Variants in XKR6 observed in about 807,000 individuals in gnomAD.
The protein encoded by XKR6 is XK-related protein 6.
A neutral mutation model predicts 56.7 loss-of-function variants in XKR6; 22 were observed. The ratio of observed to expected loss-of-function variants is 0.39; its 90% CI spans 0.28 to 0.55. XKR6 has a LOEUF of 0.55. XKR6 is among the 20% of genes least tolerant of loss of function. The probability of loss-of-function intolerance (pLI) is 0.66; values close to 1 mark genes in which losing one functional copy is unlikely to be tolerated. For synonymous variants in XKR6, 524 were observed against 387.8 expected, an observed-to-expected ratio of 1.35 and a Z score of -4.13; for missense variants, 852 against 889.0, an observed-to-expected ratio of 0.96 and a Z score of 0.53.
chr8:10,977,197 G>A (rs926060649), intron 1 of XKR6, among the ~76,000 whole-genome samples: 1 of 152,118 alleles, frequency 6.6e-6, no homozygotes, highest in African/African-American at 2.4e-5. Context: ...GGTTGTCCAG[G>A]CCAGCACCCT....
chr8:11,061,729 G>C (rs1431606320), intron 1 of XKR6, among the ~76,000 whole-genome samples: 1 of 152,166 alleles, frequency 6.6e-6, no homozygotes, highest in Non-Finnish European at 1.5e-5. Flanking sequence ...TCCAGGAGCA[G>C]AAGCCCAGGA....
At chr8:11,032,581 G>A (rs1799018003) in intron 1 of XKR6, among the ~76,000 whole-genome samples, 1 of 152,218 alleles carries the variant, frequency 6.6e-6, no homozygotes, top group Admixed American at 6.5e-5. Context: ...GCACAAGGCA[G>A]GGCTGTAATA....
chr8:10,979,178 T>C (rs928568044), intron 1 of XKR6, among the ~76,000 whole-genome samples: 2 of 151,792 alleles, frequency 1.3e-5, no homozygotes, highest in Admixed American at 6.6e-5. Context: ...CACATCCTAC[T>C]CTGCCCCTCC....
chr8:11,107,248 G>T (rs1330555588), intron 1 of XKR6, among the ~76,000 whole-genome samples: 1 of 151,024 alleles, frequency 6.6e-6, no homozygotes, highest in South Asian at 2.1e-4. Flanking sequence ...CGCCTGGGAT[G>T]AAGTGCAGTG....
intron 1 of XKR6, among the ~76,000 whole-genome samples, chr8:10,988,657 C>T (rs1391614575): frequency 6.6e-6 from 1 of 152,210 alleles, no homozygotes; most frequent in African/African-American, 2.4e-5. Context: ...CTGTCTGGGA[C>T]ATGTCACCTG....
At position 11,200,648 on chromosome 8, in the gene XKR6, T is replaced by C. The variant is rs1391915122; in HGVS notation, c.692A>G (p.Gln231Arg). The C allele has an allele frequency of 6.4e-7, 1 of 1,551,678 alleles. No individual in the cohort carries two copies. The highest frequency in any genetic ancestry group is 1.2e-5 in the South Asian group (1 of 81,874). The stretch of plus-strand genomic sequence containing the variant: ...CCACACGGAGAGGCGACACAGGCGC[T>C]GCGCCCCCGGCGTGGGGGAGACCCT... ...GVRVSPTPGA[Q>R]RLCRLSVWIW... Residue 231 changes from glutamine (Q) to arginine (R), a missense_variant, in exon 1 of 3, where the codon CAG (glutamine) becomes CGG (arginine). Around this residue, in one of 4 missense-constraint regions of XKR6, gnomAD observed 417 missense variants for 355.2 expected, o/e 1.17. Transcript: ENST00000416569. The surrounding 1 kb of genome is among the most constrained non-coding windows in gnomAD (Gnocchi z 6.4).
chr8:11,187,756 G>C (rs921178678), intron 1 of XKR6, among the ~76,000 whole-genome samples: 2 of 152,134 alleles, frequency 1.3e-5, no homozygotes, highest in African/African-American at 4.8e-5. Flanking sequence ...GATGGTGTGG[G>C]GGCACATGAA....
At chr8:11,110,784 G>A (rs539274264) in intron 1 of XKR6, among the ~76,000 whole-genome samples, 4 of 151,878 alleles carry the variant, frequency 2.6e-5, no homozygotes, top group Admixed American at 1.3e-4. Context: ...TCTACATTCT[G>A]AAAGTAGCCC....
At chr8:11,081,917 C>G (rs1455180451) in intron 1 of XKR6, among the ~76,000 whole-genome samples, 1 of 152,200 alleles carries the variant, frequency 6.6e-6, no homozygotes, top group Non-Finnish European at 1.5e-5. Flanking sequence ...GGACTGGATG[C>G]CAACCAGCCC....
At chr8:11,093,331 A>G (rs946026553) in intron 1 of XKR6, among the ~76,000 whole-genome samples, 7 of 152,294 alleles carry the variant, frequency 4.6e-5, no homozygotes, top group South Asian at 4.1e-4. Flanking sequence ...CTGAGATTTC[A>G]GGAGTGAGCC....
At chr8:10,956,098 C>T (rs936575737) in intron 1 of XKR6, among the ~76,000 whole-genome samples, 1 of 152,190 alleles carries the variant, frequency 6.6e-6, no homozygotes, top group Non-Finnish European at 1.5e-5. Context: ...CCCTAGCCTT[C>T]GTTTCTCCTG....
At chr8:10,910,838 C>A (rs958332196) in intron 2 of XKR6, among the ~76,000 whole-genome samples, 1 of 152,224 alleles carries the variant, frequency 6.6e-6, no homozygotes, top group Non-Finnish European at 1.5e-5. Context: ...GATTCTAGAA[C>A]AAATGTCAGC....
chr8:11,095,751 T>G (rs998725037), intron 1 of XKR6, among the ~76,000 whole-genome samples: 26 of 152,246 alleles, frequency 1.7e-4, no homozygotes, highest in African/African-American at 6.3e-4. Context: ...ATTCAGTGGA[T>G]CTGGGATATG....
rs115510963 is a variant in XKR6, at chr8:11,050,344, G to A, written c.765-125514C>T. Among the ~76,000 whole-genome samples the A allele has an allele frequency of 4.3e-3, 636 of 149,560 alleles. 9 individuals are homozygous for A. Among genetic ancestry groups the A allele is most frequent in the African/African-American group, 0.015 (608 of 40,988 alleles). ...AGTCCTGGTTGGAGCGAGTCACTTC[G>A]TCCCTCCAAGCCCCACGATCTCCTC... On this transcript the variant is annotated intron_variant, in intron 1 of 2. Coordinates refer to ENST00000416569, the MANE Select transcript of XKR6 (RefSeq NM_173683.4).
chr8:10,932,099 C>A (rs532932937), intron 1 of XKR6, among the ~76,000 whole-genome samples: 1 of 152,218 alleles, frequency 6.6e-6, no homozygotes, highest in South Asian at 2.1e-4. Flanking sequence ...GGGAGCTCAA[C>A]GTTACAAGTA....
At chr8:11,181,521 C>T (rs180738787) in intron 1 of XKR6, among the ~76,000 whole-genome samples, 1 of 152,292 alleles carries the variant, frequency 6.6e-6, no homozygotes, top group East Asian at 1.9e-4. Context: ...ATATTTGTAA[C>T]TTGCTTTAAC....
intron 1 of XKR6, among the ~76,000 whole-genome samples, chr8:10,937,929 C>G (rs903550040): frequency 6.6e-6 from 1 of 151,440 alleles, no homozygotes; most frequent in Non-Finnish European, 1.5e-5. Context: ...TGGGCTCCAC[C>G]CAGTTCGAGC....
chr8:10,912,953 G>A (rs1392735802), intron 2 of XKR6, among the ~76,000 whole-genome samples: 3 of 150,358 alleles, frequency 2.0e-5, no homozygotes, highest in Non-Finnish European at 4.4e-5. Flanking sequence ...TATAGAGGGC[G>A]AGTACATCTG....
chr8:11,146,542 T>A (rs1012098180), intron 1 of XKR6, among the ~76,000 whole-genome samples: 1 of 150,438 alleles, frequency 6.6e-6, no homozygotes, highest in African/African-American at 2.5e-5. Context: ...GTTGGGGGGA[T>A]CACCTGAGCC....
Sources: gnomAD v4.1 joint callset for allele counts (sites outside exome capture counted in the v4.1 genomes callset) on GRCh38, gnomAD v4.1.1 for gene constraint, gnomAD v4.1.1 regional missense constraint, Gnocchi (gnomAD v3.1) non-coding constraint, MANE v1.5 for transcripts, NCBI Gene and HGNC (gene_info 2026-07-23, HGNC 2026-07-21) for gene names.